Variants in FBXL4 observed in about 807,000 individuals in gnomAD.
FBXL4 encodes the protein F-box and leucine rich repeat protein 4.
FBXL4 carries 40 observed loss-of-function variants against 58.9 expected under a neutral mutation model. The observed-to-expected ratio is 0.68, with a 90% confidence interval of 0.53 to 0.88. The LOEUF is 0.88. Ranked by LOEUF, FBXL4 falls within the 40% of genes least tolerant of loss-of-function variation. FBXL4 has a pLI of 0.00. For synonymous variants in FBXL4, 263 were observed against 265.5 expected (o/e 0.99, Z 0.09); for missense variants, 676 against 734.4 (o/e 0.92, Z 0.92).
chr6:98,875,923 T>G (rs1392388853), intron 8 of FBXL4, among the ~76,000 whole-genome samples, 196 bp from the exon 9 acceptor site: 2 of 152,204 alleles, frequency 1.3e-5, no homozygotes, highest in Admixed American at 1.3e-4. Context: ...ACTCATTTAT[T>G]TAAAAATCCA....
chr6:98,912,817 C>T (rs1772149107), intron 5 of FBXL4, among the ~76,000 whole-genome samples: 1 of 151,576 alleles, frequency 6.6e-6, no homozygotes, highest in South Asian at 2.1e-4. Context: ...ATCAAATTCA[C>T]ACCTAACAAT....
At chr6:98,898,574 C>T (rs1771489282) in intron 7 of FBXL4, 6 of 938,664 alleles carry the variant, frequency 6.4e-6, no homozygotes, top group Non-Finnish European at 7.6e-6. Context: ...CATTGCACTC[C>T]AGCCTGGGCA....
intron 2 of FBXL4, among the ~76,000 whole-genome samples, chr6:98,932,612 C>A (rs372093066): frequency 1.1e-4 from 16 of 151,908 alleles, no homozygotes; most frequent in African/African-American, 3.6e-4. Flanking sequence ...GCCGAGAAGT[C>A]GGCTTGTACT....
At chr6:98,922,086 C>T (rs907383600) in intron 4 of FBXL4, among the ~76,000 whole-genome samples, 1 of 152,154 alleles carries the variant, frequency 6.6e-6, no homozygotes, top group East Asian at 1.9e-4. Flanking sequence ...CGCCACCACG[C>T]CTGGCTAATT....
chr6:98,893,453 TCTTC>T (rs1170553751), intron 7 of FBXL4, among the ~76,000 whole-genome samples: 1 of 152,168 alleles, frequency 6.6e-6, no homozygotes, highest in Non-Finnish European at 1.5e-5. Flanking sequence ...CCTAATCTCC[TCTTC>T]CTTAAGGACA....
intron 5 of FBXL4, among the ~76,000 whole-genome samples, chr6:98,909,417 A>C (rs924784498): frequency 1.3e-5 from 2 of 152,146 alleles, no homozygotes; most frequent in African/African-American, 4.8e-5. Context: ...TGCTTTGGTC[A>C]CACTGAAATA....
At chr6:98,924,378 G>A (rs911290161) in intron 4 of FBXL4, among the ~76,000 whole-genome samples, 2 of 152,112 alleles carry the variant, frequency 1.3e-5, no homozygotes, top group Non-Finnish European at 2.9e-5. Flanking sequence ...CCAACCTGGT[G>A]AAACCCCATC....
rs1421686325 is a variant in FBXL4, at chr6:98,870,680, C to T, written c.*3598G>A. 3 of 152,116 alleles carry T rather than the reference C, an allele frequency of 2.0e-5. No homozygotes were observed. Among genetic ancestry groups the T allele is most frequent in the African/African-American group, 7.2e-5 (3 of 41,416 alleles). 9.4% of individuals were successfully genotyped at this position (152,116 alleles called of 1,614,324 possible). ...AACAAGAGAAAAAAAGAAAAGTAGA[C>T]TTGAAGTGACATTTTTAAGGCACAT... On this transcript the variant is annotated 3_prime_UTR_variant, in exon 10 of 10. Coordinates refer to ENST00000369244, the MANE Select transcript of FBXL4 (RefSeq NM_001278716.2).
intron 9 of FBXL4, chr6:98,875,114 AAT>A: frequency 3.3e-6 from 1 of 299,120 alleles, no homozygotes; most frequent in Non-Finnish European, 6.1e-6. Context: ...CCTTAATAAA[AAT>A]AGAGAGCGCA....
chr6:98,941,721 A>T (rs1488422670), intron 1 of FBXL4, among the ~76,000 whole-genome samples: 8 of 152,196 alleles, frequency 5.3e-5, no homozygotes, highest in Non-Finnish European at 1.2e-4. Context: ...GAAATACTTC[A>T]GACCAGGACC....
intron 4 of FBXL4, among the ~76,000 whole-genome samples, chr6:98,918,993 A>G (rs1772478496): frequency 6.6e-6 from 1 of 152,048 alleles, no homozygotes; most frequent in African/African-American, 2.4e-5. Context: ...TCCCTGGCCC[A>G]ATGACCTACT....
At chr6:98,920,414 A>T (rs1020892849) in intron 4 of FBXL4, among the ~76,000 whole-genome samples, 1 of 152,158 alleles carries the variant, frequency 6.6e-6, no homozygotes, top group Non-Finnish European at 1.5e-5. Flanking sequence ...TTATACTTAA[A>T]GTGGAATATC....
chr6:98,929,949 C>T (rs898521035), intron 2 of FBXL4, among the ~76,000 whole-genome samples: 5 of 152,154 alleles, frequency 3.3e-5, no homozygotes, highest in Admixed American at 3.3e-4. Flanking sequence ...ACACAACCTT[C>T]ATGGTTTAGA....
rs545383245 is a variant in FBXL4, at chr6:98,926,875, T to C, written c.114A>G (p.Ile38Met). ...GAGGGGAAGTCTGGCTGTTTGATTC[T>C]ATAGCTCTATGGGTGTTCATCATTT... is the stretch of plus-strand genomic sequence containing the variant. The part of the protein sequence containing the change: ...RGEMMNTHRA[I>M]ESNSQTSPLN... Residue 38 changes from isoleucine (I) to methionine (M), a missense_variant, in exon 4 of 10, where the codon ATA becomes ATG. Transcript: ENST00000369244. 16 of 1,614,106 alleles carry C rather than the reference T, an allele frequency of 9.9e-6. No homozygotes were observed. The highest frequency in any genetic ancestry group is 1.4e-5 in the Non-Finnish European group (16 of 1,180,034).
chr6:98,893,820 C>T lies in FBXL4; in HGVS notation c.1317+5448G>A, dbSNP rs901955140. On this transcript the variant is annotated intron_variant, in intron 7 of 9. Transcript: ENST00000369244. ...TTTTTTTTTCAATTTCTCTGTAAGT[C>T]GGAAATTATTTCAAAATAAAAGTTT... is the stretch of plus-strand genomic sequence containing the variant. 2.7e-5 allele frequency among the ~76,000 whole-genome samples: 4 copies of T among 150,852 alleles called. No individual in the cohort carries two copies. The South Asian group carries it at 6.3e-4, about 24-fold the overall frequency.
chr6:98,913,693 C>A (rs1380521241), intron 5 of FBXL4, among the ~76,000 whole-genome samples: 6 of 152,102 alleles, frequency 3.9e-5, no homozygotes, highest in East Asian at 1.9e-4. Flanking sequence ...TATAGCACTA[C>A]ATGCCCACAA....
chr6:98,940,801 A>G (rs1490064802), intron 1 of FBXL4, among the ~76,000 whole-genome samples: 1 of 152,120 alleles, frequency 6.6e-6, no homozygotes, highest in Non-Finnish European at 1.5e-5. Flanking sequence ...CCTAGCAAAC[A>G]TATTACCGAA....
chr6:98,911,219 C>A (rs757986884), intron 5 of FBXL4, among the ~76,000 whole-genome samples: 1 of 152,216 alleles, frequency 6.6e-6, no homozygotes, highest in Admixed American at 6.5e-5. Flanking sequence ...AGGAGGCCTA[C>A]CTGCCTCTGT....
rs1455443718 is a variant in FBXL4 at position 98,945,810 on chromosome 6, A to G, written c.-309+1996T>C. Among the ~76,000 whole-genome samples the G allele has an allele frequency of 1.3e-5, 2 of 152,182 alleles. 1 individual carries two copies. Among genetic ancestry groups the G allele is most frequent in the African/African-American group, 4.8e-5 (2 of 41,442 alleles). On this transcript the variant is annotated intron_variant, in intron 1 of 9. Coordinates refer to ENST00000369244, the MANE Select transcript of FBXL4 (RefSeq NM_001278716.2). ...CACTACAGTTACTATGACACGGTGC[A>G]AAGTCAAAAGGCATGCAGATTTTTA...
Sources: gnomAD v4.1 joint callset for allele counts (sites outside exome capture counted in the v4.1 genomes callset) on GRCh38, gnomAD v4.1.1 for gene constraint, MANE v1.5 for transcripts, NCBI Gene and HGNC (gene_info 2026-07-23, HGNC 2026-07-21) for gene names.